Variants in MAP3K5 observed in about 807,000 individuals in gnomAD.
MAP3K5 encodes the protein ASK-1.
A neutral mutation model predicts 158.7 loss-of-function variants in MAP3K5; 56 were observed. That is an observed-to-expected ratio of 0.35 (90% CI 0.28 to 0.44). The LOEUF is 0.44. Ranked by LOEUF, MAP3K5 falls within the 20% of genes least tolerant of loss-of-function variation. MAP3K5 has a pLI of 1.00. For synonymous variants in MAP3K5, 579 were observed against 601.7 expected (o/e 0.96, Z 0.55); for missense variants, 1,294 against 1,674.8 (o/e 0.77, Z 3.97).
intron 8 of MAP3K5, among the ~76,000 whole-genome samples, chr6:136,661,277 A>C (rs1280468250): frequency 1.3e-5 from 2 of 152,174 alleles, no homozygotes; most frequent in Non-Finnish European, 2.9e-5. Flanking sequence ...CCATTTGGGA[A>C]TTCTTCACAT....
intron 19 of MAP3K5, among the ~76,000 whole-genome samples, chr6:136,603,864 T>C (rs1004110726): frequency 1.3e-5 from 2 of 152,242 alleles, no homozygotes; most frequent in African/African-American, 4.8e-5. Flanking sequence ...TACTCATTTT[T>C]ATACCAGCAG....
intron 3 of MAP3K5, among the ~76,000 whole-genome samples, chr6:136,700,352 TGAA>T (rs1449342176): frequency 6.6e-6 from 1 of 152,042 alleles, no homozygotes; most frequent in East Asian, 1.9e-4. Context: ...CGTGCGTGAC[TGAA>T]GAAGAAGGAA....
At chr6:136,726,456 G>A (rs778964805) in intron 1 of MAP3K5, among the ~76,000 whole-genome samples, 3 of 152,216 alleles carry the variant, frequency 2.0e-5, no homozygotes, top group African/African-American at 4.8e-5. Context: ...AGCCAGGTAC[G>A]GTGGCACATG....
At chr6:136,639,662 A>G in intron 12 of MAP3K5, 24 bp from the exon 13 acceptor site, 2 of 1,212,972 alleles carry the variant, frequency 1.6e-6, no homozygotes, top group Non-Finnish European at 2.4e-6. Context: ...ACAAAAAGGC[A>G]TTATTCAGAG....
At chr6:136,682,657 G>A (rs1028434528) in intron 7 of MAP3K5, among the ~76,000 whole-genome samples, 1 of 152,156 alleles carries the variant, frequency 6.6e-6, no homozygotes, top group African/African-American at 2.4e-5. Flanking sequence ...TCCTGGCTAT[G>A]GATCTTTTTT....
intron 8 of MAP3K5, among the ~76,000 whole-genome samples, chr6:136,661,713 T>C (rs141786074): frequency 6.6e-6 from 1 of 152,314 alleles, no homozygotes; most frequent in East Asian, 1.9e-4. Flanking sequence ...GTTTCTACTT[T>C]TTATTTTTTT....
At chr6:136,643,003 T>C (rs578203785) in intron 11 of MAP3K5, among the ~76,000 whole-genome samples, 1 of 152,338 alleles carries the variant, frequency 6.6e-6, no homozygotes, top group South Asian at 2.1e-4. Flanking sequence ...TTATCTTTAG[T>C]TAAGATTTCC....
At position 136,751,791 on chromosome 6, in the gene MAP3K5, C is replaced by T. The variant is rs543729747; in HGVS notation, c.449-31202G>A. On this transcript the variant is annotated intron_variant, in intron 1 of 29. Transcript: ENST00000359015. ...AGGCTTGCATTCTTGTAATCGAAGC[C>T]ACCAAACATGTAAAATATCGAAAAC... Among the ~76,000 whole-genome samples the T allele has an allele frequency of 4.8e-4, 73 of 152,248 alleles. 1 individual carries two copies. In the South Asian group the frequency reaches 0.015, roughly 30 times the overall value.
Position 136,656,355 on chromosome 6 carries a change from A to C in MAP3K5, c.1632T>G (p.Asp544Glu). The C allele has an allele frequency of 1.9e-6, 3 of 1,614,062 alleles. No homozygotes were observed. Among genetic ancestry groups the C allele is most frequent in the Non-Finnish European group, 2.5e-6 (3 of 1,179,928 alleles). The change falls in exon 10 of 30, where the codon GAT becomes GAG. Residue 544 changes from aspartate (D) to glutamate (E), a missense_variant. By Grantham distance (45) the Asp-to-Glu change is conservative. This residue lies in a region of MAP3K5 where 690 missense variants were observed against 870.5 expected (regional missense o/e 0.79). Transcript: ENST00000359015. ...AKQELVDFWM[D>E]FLVEATKTDV... ...CTGTCTTTGTGGCCTCGACCAGGAA[A>C]TCCATCCAAAAGTCCACAAGTTCTT...
At chr6:136,610,645 G>A (rs1776293798) in intron 18 of MAP3K5, among the ~76,000 whole-genome samples, 1 of 146,776 alleles carries the variant, frequency 6.8e-6, no homozygotes. Flanking sequence ...AGGCCAACCA[G>A]GAAAGAAGTA....
At chr6:136,699,752 T>A (rs1425372365) in intron 3 of MAP3K5, among the ~76,000 whole-genome samples, 1 of 152,182 alleles carries the variant, frequency 6.6e-6, no homozygotes, top group African/African-American at 2.4e-5. Context: ...GATGTTAGAC[T>A]GTACATTCTG....
chr6:136,653,401 T>G (rs1322859688), intron 10 of MAP3K5, among the ~76,000 whole-genome samples: 1 of 152,194 alleles, frequency 6.6e-6, no homozygotes, highest in South Asian at 2.1e-4. Flanking sequence ...CTGGATTTTA[T>G]TTAGATGCAT....
rs148643510 is a variant in MAP3K5, at chr6:136,766,981, C to T, written c.448+24729G>A. Reference sequence around the variant, plus strand: ...AGGCAATATAGAAACATAGTAAAAGCACATTTAAAAGCCACTTGGTAGATT... The same window carrying T: ...AGGCAATATAGAAACATAGTAAAAGTACATTTAAAAGCCACTTGGTAGATT... On this transcript the variant is annotated intron_variant, in intron 1 of 29. Coordinates refer to ENST00000359015, the MANE Select transcript of MAP3K5 (RefSeq NM_005923.4). Among the ~76,000 whole-genome samples the T allele has an allele frequency of 8.2e-3, 1,250 of 152,136 alleles. 19 individuals are homozygous for T. Among genetic ancestry groups the T allele is most frequent in the African/African-American group, 0.027 (1,132 of 41,514 alleles).
intron 23 of MAP3K5, among the ~76,000 whole-genome samples, chr6:136,589,043 A>C (rs1197629983): frequency 2.0e-5 from 3 of 152,234 alleles, no homozygotes; most frequent in African/African-American, 7.2e-5. Flanking sequence ...AGAGGTGGAC[A>C]TTAGGGAATT....
chr6:136,776,983 A>G (rs1784426393), intron 1 of MAP3K5, among the ~76,000 whole-genome samples: 1 of 152,234 alleles, frequency 6.6e-6, no homozygotes, highest in African/African-American at 2.4e-5. Flanking sequence ...TATAAGGGAA[A>G]GAAGAGTCTG....
intron 28 of MAP3K5, among the ~76,000 whole-genome samples, chr6:136,561,325 T>C (rs750369470): frequency 1.3e-5 from 2 of 152,206 alleles, no homozygotes; most frequent in Non-Finnish European, 2.9e-5. Flanking sequence ...TGATACCTTT[T>C]TCTTCATAGA....
At chr6:136,664,286 C>T (rs1489589930) in intron 8 of MAP3K5, among the ~76,000 whole-genome samples, 3 of 151,952 alleles carry the variant, frequency 2.0e-5, no homozygotes, top group Non-Finnish European at 2.9e-5. Flanking sequence ...GTCTCCCATC[C>T]CCCCAGATGG....
At chr6:136,633,584 T>G (rs1266631171) in intron 14 of MAP3K5, among the ~76,000 whole-genome samples, 1 of 152,014 alleles carries the variant, frequency 6.6e-6, no homozygotes, top group African/African-American at 2.4e-5. Context: ...TCTTAGTAGA[T>G]CCAGCTTGAA....
chr6:136,768,335 A>T (rs1411051423), intron 1 of MAP3K5, among the ~76,000 whole-genome samples: 1 of 152,232 alleles, frequency 6.6e-6, no homozygotes, highest in Non-Finnish European at 1.5e-5. Flanking sequence ...TCCAGAATAG[A>T]TACAGACTAT....
Sources: allele counts gnomAD v4.1 joint callset (sites outside exome capture counted in the v4.1 genomes callset), GRCh38; gene constraint gnomAD v4.1.1; regional missense constraint gnomAD v4.1.1; transcripts MANE v1.5; gene names NCBI Gene and HGNC (gene_info 2026-07-23, HGNC 2026-07-21).